The following CTIF variants were observed in gnomAD, a reference collection of about 807,000 sequenced individuals.
CTIF encodes the protein CBP80/20-dependent translation initiation factor.
In CTIF, 21 loss-of-function variants were observed where a neutral mutation model predicts 66.0. The ratio of observed to expected loss-of-function variants is 0.32; its 90% CI spans 0.23 to 0.46. The LOEUF is 0.46. Among genes scored for constraint, CTIF ranks in the 20% least tolerant of loss-of-function variants. The pLI, the probability that CTIF is intolerant of heterozygous loss-of-function variation, is 1.00. For missense variants in CTIF, 739 were observed against 812.7 expected (o/e 0.91, Z 1.10); for synonymous variants, 345 against 326.4 (o/e 1.06, Z -0.62).
chr18:48,663,220 A>T (rs1195512576), intron 3 of CTIF, among the ~76,000 whole-genome samples: 1 of 152,220 alleles, frequency 6.6e-6, no homozygotes, highest in African/African-American at 2.4e-5. Flanking sequence ...TAGAAGCTGC[A>T]TTGAGTAAAG....
intron 2 of CTIF, among the ~76,000 whole-genome samples, chr18:48,621,004 C>G (rs2090483274): frequency 6.6e-6 from 1 of 152,046 alleles, no homozygotes; most frequent in Admixed American, 6.5e-5. Context: ...GTGATGCTTT[C>G]TTTAGTGTCC....
At chr18:48,699,710 AC>A (rs1407938739) in intron 6 of CTIF, among the ~76,000 whole-genome samples, 4 of 152,204 alleles carry the variant, frequency 2.6e-5, no homozygotes, top group African/African-American at 9.6e-5. Context: ...TGGGCTGTCG[AC>A]ATGCCATTCA....
At chr18:48,843,810 T>C (rs1051844097) in intron 10 of CTIF, among the ~76,000 whole-genome samples, 10 of 152,140 alleles carry the variant, frequency 6.6e-5, no homozygotes, top group Non-Finnish European at 1.3e-4. Flanking sequence ...GGCCGGCCTC[T>C]CCCCATCAGC....
chr18:48,733,834 G>A (rs745679745), intron 7 of CTIF, among the ~76,000 whole-genome samples: 12 of 152,060 alleles, frequency 7.9e-5, no homozygotes, highest in Admixed American at 2.0e-4. Flanking sequence ...ACTCACCCTC[G>A]CAGCCCTTCC....
At chr18:48,699,480 G>A (rs901887391) in intron 6 of CTIF, among the ~76,000 whole-genome samples, 6 of 152,102 alleles carry the variant, frequency 3.9e-5, no homozygotes, top group African/African-American at 1.5e-4. Context: ...TGAGGTTGCA[G>A]GGACTGCTTT....
At chr18:48,543,979 G>C (rs188327371) in intron 1 of CTIF, among the ~76,000 whole-genome samples, 1 of 152,236 alleles carries the variant, frequency 6.6e-6, no homozygotes, top group East Asian at 1.9e-4. Context: ...AGGGTGTCTT[G>C]GTGTCCTACA....
chr18:48,804,982 C>T (rs935009201), intron 9 of CTIF, among the ~76,000 whole-genome samples: 1 of 152,196 alleles, frequency 6.6e-6, no homozygotes, highest in African/African-American at 2.4e-5. Flanking sequence ...TTCTTTTTGT[C>T]CCAAGTCACA....
chr18:48,637,941 C>T (rs950764170), intron 3 of CTIF, among the ~76,000 whole-genome samples: 2 of 152,234 alleles, frequency 1.3e-5, no homozygotes, highest in East Asian at 1.9e-4. Flanking sequence ...GTCCTTCTAA[C>T]ATCTCCGTGC....
intron 1 of CTIF, among the ~76,000 whole-genome samples, chr18:48,585,599 G>A (rs1427038385): frequency 6.6e-6 from 1 of 152,210 alleles, no homozygotes; most frequent in Non-Finnish European, 1.5e-5. Context: ...GACTTGGCAG[G>A]TGGCGCATCC....
chr18:48,709,981 C>T (rs2092205970), intron 6 of CTIF, among the ~76,000 whole-genome samples: 1 of 152,216 alleles, frequency 6.6e-6, no homozygotes, highest in African/African-American at 2.4e-5. Flanking sequence ...GCCAAGTGGC[C>T]ATAACTCCAA....
At chr18:48,821,466 C>T (rs894699032) in intron 10 of CTIF, among the ~76,000 whole-genome samples, 3 of 152,256 alleles carry the variant, frequency 2.0e-5, no homozygotes, top group African/African-American at 7.2e-5. Context: ...CCAGATCTGA[C>T]CACCCCATTT....
Position 48,859,663 on chromosome 18 carries a change from A to C in CTIF, c.*104A>C. 2 of 1,088,134 alleles carry C rather than the reference A, an allele frequency of 1.8e-6. No individual in the cohort carries two copies. Among genetic ancestry groups the C allele is most frequent in the Non-Finnish European group, 1.4e-6 (1 of 716,458 alleles). The allele number at this position is 1,088,134 out of a possible 1,614,324, so 67.4% of individuals were successfully genotyped here. ...GGGGTGGCCCTGGCGGGAGAAAGAA[A>C]TGGGGAGGAGGGCAGGCAGAGTCGG... is the stretch of plus-strand genomic sequence containing the variant. On this transcript the variant is annotated 3_prime_UTR_variant, in exon 12 of 12. Transcript: ENST00000256413.
chr18:48,648,307 G>A (rs2091088543), intron 3 of CTIF, among the ~76,000 whole-genome samples: 1 of 152,124 alleles, frequency 6.6e-6, no homozygotes, highest in African/African-American at 2.4e-5. Context: ...AGATGTCCCA[G>A]CATGAAAGGA....
intron 5 of CTIF, among the ~76,000 whole-genome samples, chr18:48,669,799 A>T (rs1321180609): frequency 7.9e-4 from 48 of 61,114 alleles, no homozygotes; most frequent in African/African-American, 3.8e-3. Flanking sequence ...ACATTTATAT[A>T]TATATATATA....
At chr18:48,701,471 C>T (rs2092083049) in intron 6 of CTIF, among the ~76,000 whole-genome samples, 2 of 151,922 alleles carry the variant, frequency 1.3e-5, no homozygotes. Flanking sequence ...AGGCCCGTAG[C>T]CTTTTGGTCC....
At chr18:48,744,151 TC>T (rs1188738471) in intron 7 of CTIF, among the ~76,000 whole-genome samples, 4 of 152,180 alleles carry the variant, frequency 2.6e-5, no homozygotes, top group Non-Finnish European at 5.9e-5. Flanking sequence ...ACACTCAAGT[TC>T]CATTAGGGAT....
In CTIF at chr18:48,668,864, G is replaced by A. The variant is rs145455625; in HGVS notation, c.432-1805G>A. ...CTCTACTGTGGGGGGTGATTATCCC[G>A]CCAGACACCGAGAGGGGCAGTTGTG... On this transcript the variant is annotated intron_variant, in intron 5 of 11. Coordinates refer to ENST00000256413, the MANE Select transcript of CTIF (RefSeq NM_014772.3). Among the ~76,000 whole-genome samples the A allele has an allele frequency of 5.7e-3, 868 of 152,172 alleles. 5 individuals are homozygous for A. Among genetic ancestry groups the A allele is most frequent in the Admixed American group, 0.013 (201 of 15,294 alleles).
chr18:48,669,039 C>T lies in CTIF; in HGVS notation c.432-1630C>T, dbSNP rs902661430. On this transcript the variant is annotated intron_variant, in intron 5 of 11. Transcript: ENST00000256413. ...TGCTGGTGTTTGCAGCTAGTTTCTC[C>T]TCCTCTGGGTTCCAGGGCGCCTCTG... 7.2e-5 allele frequency among the ~76,000 whole-genome samples: 11 copies of T among 152,152 alleles called. No homozygotes were observed. In the East Asian group the frequency reaches 1.9e-3, roughly 27 times the overall value.
intron 1 of CTIF, among the ~76,000 whole-genome samples, chr18:48,581,238 G>A (rs901543063): frequency 7.4e-5 from 11 of 148,730 alleles, no homozygotes; most frequent in African/African-American, 2.8e-4. Context: ...GGTTTTTTTT[G>A]TTGTTGTTGT....
Sources: gnomAD v4.1 joint callset for allele counts (sites outside exome capture counted in the v4.1 genomes callset) on GRCh38, gnomAD v4.1.1 for gene constraint, MANE v1.5 for transcripts, NCBI Gene and HGNC (gene_info 2026-07-23, HGNC 2026-07-21) for gene names.